The following FAM83B variants were observed in gnomAD, a reference collection of about 807,000 sequenced individuals.
The protein encoded by FAM83B is protein FAM83B.
A neutral mutation model predicts 38.8 loss-of-function variants in FAM83B; 26 were observed. That is an observed-to-expected ratio of 0.67 (90% CI 0.49 to 0.93). The LOEUF (loss-of-function observed/expected upper bound fraction) is 0.93, where lower values mean the gene tolerates loss of function less well. Among genes scored for constraint, FAM83B ranks in the 40% least tolerant of loss-of-function variants. The pLI is 0.00. For missense variants in FAM83B, 1,237 were observed against 1,197.3 expected, an observed-to-expected ratio of 1.03 and a Z score of -0.49; for synonymous variants, 419 against 423.1, an observed-to-expected ratio of 0.99 and a Z score of 0.12.
At chr6:54,884,638 C>T (rs1772224892) in intron 2 of FAM83B, among the ~76,000 whole-genome samples, 1 of 152,076 alleles carries the variant, frequency 6.6e-6, no homozygotes, top group African/African-American at 2.4e-5. Flanking sequence ...TGTGTCATAA[C>T]TCAAGTGACC....
At chr6:54,876,839 T>C (rs1180936420) in intron 2 of FAM83B, among the ~76,000 whole-genome samples, 3 of 152,190 alleles carry the variant, frequency 2.0e-5, no homozygotes, top group Non-Finnish European at 4.4e-5. Context: ...TGTAGTTCTA[T>C]ATATTTGGGG....
Position 54,883,320 on chromosome 6 carries a change from A to AT in FAM83B, c.444+12639dup, listed in dbSNP as rs1332995809. On this transcript the variant is annotated intron_variant, in intron 2 of 4. Coordinates refer to ENST00000306858, the MANE Select transcript of FAM83B (RefSeq NM_001010872.3). ...TCATAGGACCCATGATTTTTTAGTGATTTTTTTTTAAGTTTTTTTTTTTTT... is the reference window on the plus strand; with the variant it reads ...TCATAGGACCCATGATTTTTTAGTGATTTTTTTTTTAAGTTTTTTTTTTTTT... Among the ~76,000 whole-genome samples, 226 of 126,194 alleles carry AT rather than the reference A, an allele frequency of 1.8e-3. 1 individual carries two copies. The highest frequency in any genetic ancestry group is 5.7e-3 in the African/African-American group (191 of 33,470). The allele number at this position is 126,194 out of a possible 152,430, so 82.8% of individuals were successfully genotyped here. A position where few individuals can be genotyped will look rare whatever the true frequency, so the allele number is the denominator to read the frequency against.
At chr6:54,938,004 G>A (rs73432383) in intron 4 of FAM83B, among the ~76,000 whole-genome samples, 3 of 151,810 alleles carry the variant, frequency 2.0e-5, no homozygotes, top group African/African-American at 7.3e-5. Flanking sequence ...ATATACCCAA[G>A]GTGTAGTCTG....
At chr6:54,868,537 C>G (rs1172033950) in intron 1 of FAM83B, among the ~76,000 whole-genome samples, 2 of 151,974 alleles carry the variant, frequency 1.3e-5, no homozygotes, top group African/African-American at 4.8e-5. Flanking sequence ...ATTTTATTTC[C>G]CCATGCGATA....
At chr6:54,867,008 A>G (rs1052405398) in intron 1 of FAM83B, among the ~76,000 whole-genome samples, 1 of 151,752 alleles carries the variant, frequency 6.6e-6, no homozygotes, top group African/African-American at 2.4e-5. Flanking sequence ...TTGTAAGGCC[A>G]CTTTTTTTCT....
intron 3 of FAM83B, 103 bp downstream of exon 3, chr6:54,926,638 A>C (rs1773292900): frequency 1.2e-6 from 1 of 834,434 alleles, no homozygotes; most frequent in Non-Finnish European, 1.8e-6. Flanking sequence ...CTGAAAAACA[A>C]AAAAAAATAC....
At chr6:54,877,003 A>G (rs1772012949) in intron 2 of FAM83B, among the ~76,000 whole-genome samples, 1 of 152,226 alleles carries the variant, frequency 6.6e-6, no homozygotes, top group Admixed American at 6.5e-5. Flanking sequence ...TGGCAAAGCT[A>G]ATTGTCATCA....
chr6:54,882,959 T>C (rs1397134681), intron 2 of FAM83B, among the ~76,000 whole-genome samples: 1 of 152,188 alleles, frequency 6.6e-6, no homozygotes, highest in Non-Finnish European at 1.5e-5. Flanking sequence ...ATTTATTTAT[T>C]TTGAGATGGA....
Position 54,940,734 on chromosome 6 carries a change from A to G in FAM83B, c.1763A>G (p.Gln588Arg). The change falls in exon 5 of 5, where the codon CAG (glutamine) becomes CGG (arginine). Residue 588 changes from glutamine to arginine, a missense_variant. Physicochemically the swap from Gln to Arg is conservative, Grantham distance 43. Transcript: ENST00000306858. Reference sequence around the variant, plus strand: ...GTCCCAGACACCCCTACGAATGTACAGCATTTGACAGACAAACCCTTGCCA... The same window carrying G: ...GTCCCAGACACCCCTACGAATGTACGGCATTTGACAGACAAACCCTTGCCA... ...KEVPDTPTNV[Q>R]HLTDKPLPES... The G allele has an allele frequency of 3.1e-6, 5 of 1,614,056 alleles. No individual in the cohort carries two copies. The highest frequency in any genetic ancestry group is 4.2e-6 in the Non-Finnish European group (5 of 1,180,006).
Position 54,879,512 on chromosome 6 carries a change from C to CT in FAM83B, c.444+8829dup, listed in dbSNP as rs1772075725. 2.0e-5 allele frequency among the ~76,000 whole-genome samples: 3 copies of CT among 152,046 alleles called. No individual in the cohort carries two copies. In the South Asian group the frequency reaches 6.2e-4, roughly 32 times the overall value. On this transcript the variant is annotated intron_variant, in intron 2 of 4. Transcript: ENST00000306858. ...TGGGAAGGGGTCACGTAGGAGGTCC[C>CT]TTTTTTTAACAGGCCATTTAGATGG...
chr6:54,904,870 G>A (rs1772742691), intron 2 of FAM83B, among the ~76,000 whole-genome samples: 1 of 152,126 alleles, frequency 6.6e-6, no homozygotes, highest in South Asian at 2.1e-4. Context: ...AATATATTCT[G>A]TGGAGCAGGG....
intron 1 of FAM83B, among the ~76,000 whole-genome samples, chr6:54,851,304 CTCT>C (rs1771280240): frequency 6.6e-6 from 1 of 150,524 alleles, no homozygotes; most frequent in Admixed American, 6.6e-5. Context: ...TTATGTTTTT[CTCT>C]TCACTTACCT....
In FAM83B at chr6:54,940,751, C is replaced by A. The variant is rs756524817; in HGVS notation, c.1780C>A (p.Pro594Thr). The change falls in exon 5 of 5, where the codon CCC (proline) becomes ACC (threonine). Residue 594 changes from proline to threonine, a missense_variant. Transcript: ENST00000306858. ...GAATGTACAGCATTTGACAGACAAA[C>A]CCTTGCCAGAATCAATCCCCAAGCT... ...PTNVQHLTDK[P>T]LPESIPKLPL... 21 of 1,613,888 alleles carry A rather than the reference C, an allele frequency of 1.3e-5. No individual in the cohort carries two copies. The Admixed American group carries it at 1.7e-4, about 13-fold the overall frequency.
At chr6:54,890,954 GA>G (rs200718638) in intron 2 of FAM83B, among the ~76,000 whole-genome samples, 11,507 of 144,990 alleles carry the variant, frequency 0.079, 643 homozygotes, top group African/African-American at 0.16. Context: ...TCTTCAGAGA[GA>G]AAAAAAAAAA....
intron 1 of FAM83B, among the ~76,000 whole-genome samples, chr6:54,854,395 G>A (rs978385186): frequency 6.6e-6 from 1 of 152,102 alleles, no homozygotes; most frequent in Non-Finnish European, 1.5e-5. Context: ...CAATCTTTCT[G>A]GCAAAATTCG....
chr6:54,894,830 A>T (rs187813966), intron 2 of FAM83B, among the ~76,000 whole-genome samples: 1 of 152,328 alleles, frequency 6.6e-6, no homozygotes, highest in Admixed American at 6.5e-5. Flanking sequence ...ACACTGTGAG[A>T]CAGCTTAGGG....
At chr6:54,915,368 T>C (rs1225952059) in intron 2 of FAM83B, among the ~76,000 whole-genome samples, 1 of 152,178 alleles carries the variant, frequency 6.6e-6, no homozygotes, top group Admixed American at 6.5e-5. Context: ...CTGTTGTCCG[T>C]TAGAAGCAAT....
intron 2 of FAM83B, among the ~76,000 whole-genome samples, chr6:54,925,207 G>A (rs906192733): frequency 1.3e-5 from 2 of 151,986 alleles, no homozygotes; most frequent in African/African-American, 2.4e-5. Flanking sequence ...GACCTTCCCC[G>A]AAACCCCCAA....
chr6:54,883,260 C>A (rs1435416427), intron 2 of FAM83B, among the ~76,000 whole-genome samples: 1 of 148,990 alleles, frequency 6.7e-6, no homozygotes, highest in Non-Finnish European at 1.5e-5. Flanking sequence ...TCATTTTATA[C>A]CTGTTCTTTA....
Sources: allele counts gnomAD v4.1 joint callset (sites outside exome capture counted in the v4.1 genomes callset), GRCh38; gene constraint gnomAD v4.1.1; transcripts MANE v1.5; gene names NCBI Gene and HGNC (gene_info 2026-07-23, HGNC 2026-07-21).